CYRIB: variants seen among roughly 807,000 people sequenced by gnomAD.
The protein encoded by CYRIB is CYFIP-related Rac1 interactor B.
Under a neutral mutation model 44.2 loss-of-function variants are expected in CYRIB, and 8 were observed. The ratio of observed to expected loss-of-function variants is 0.18; its 90% CI spans 0.11 to 0.33. The LOEUF is 0.33. CYRIB is among the 10% of genes least tolerant of loss of function. The pLI, the probability that CYRIB is intolerant of heterozygous loss-of-function variation, is 1.00. For synonymous variants in CYRIB, 131 were observed against 127.2 expected (o/e 1.03, Z -0.20); for missense variants, 185 against 382.8 (o/e 0.48, Z 4.31).
At chr8:129,933,735 A>C (rs775124568) in intron 1 of CYRIB, among the ~76,000 whole-genome samples, 1 of 152,044 alleles carries the variant, frequency 6.6e-6, no homozygotes, top group Admixed American at 6.6e-5. Context: ...TTAGCTGGGC[A>C]TGGTGGCACG....
intron 1 of CYRIB, among the ~76,000 whole-genome samples, chr8:129,978,298 G>C (rs1054561615): frequency 6.6e-6 from 1 of 152,128 alleles, no homozygotes; most frequent in Non-Finnish European, 1.5e-5. Flanking sequence ...TCTTTCTTAT[G>C]TTTTCATTTA....
Position 130,006,665 on chromosome 8 carries a change from T to C in CYRIB, c.-296+9705A>G, listed in dbSNP as rs113491681. Among the ~76,000 whole-genome samples the C allele has an allele frequency of 7.5e-5, 9 of 120,172 alleles. 2 individuals carry two copies. In the East Asian group the frequency reaches 8.3e-4, roughly 11 times the overall value. The allele number at this position is 120,172 out of a possible 152,430, so 78.8% of individuals were successfully genotyped here. Reference sequence around the variant, plus strand: ...GTATATATATACATATATATATGTATATATATATGTATATATATACACACA... The same window carrying C: ...GTATATATATACATATATATATGTACATATATATGTATATATATACACACA... On this transcript the variant is annotated intron_variant, in intron 1 of 14. Coordinates refer to the CYRIB transcript ENST00000401979.
At position 129,893,553 on chromosome 8, in the gene CYRIB, TCA is replaced by T. The variant is rs573741961; in HGVS notation, c.-11+9757_-11+9758del. Among the ~76,000 whole-genome samples, 4 of 152,330 alleles carry T rather than the reference TCA, an allele frequency of 2.6e-5. No individual in the cohort carries two copies. In the South Asian group the frequency reaches 6.2e-4, roughly 24 times the overall value. ...CATAAAGTATAAAAAAAAATACTATTCACAGTCTGTCACCCAGATTAAAACTA... is the reference window on the plus strand; with the variant it reads ...CATAAAGTATAAAAAAAAATACTATTCAGTCTGTCACCCAGATTAAAACTA... On this transcript the variant is annotated intron_variant, in intron 2 of 11. Transcript: ENST00000519824.
chr8:130,011,230 C>T (rs1223454919), intron 1 of CYRIB, among the ~76,000 whole-genome samples: 4 of 152,118 alleles, frequency 2.6e-5, no homozygotes, highest in Non-Finnish European at 4.4e-5. Flanking sequence ...CTTTCAAGAA[C>T]GCTGAGGCGG....
At chr8:129,923,402 G>A (rs1198521901) in intron 1 of CYRIB, among the ~76,000 whole-genome samples, 2 of 151,854 alleles carry the variant, frequency 1.3e-5, no homozygotes, top group African/African-American at 4.8e-5. Flanking sequence ...AGCCTCCCAA[G>A]TAGCTGGGAT....
intron 2 of CYRIB, among the ~76,000 whole-genome samples, chr8:129,895,251 C>A (rs989073429): frequency 3.4e-5 from 5 of 147,064 alleles, no homozygotes; most frequent in Non-Finnish European, 7.4e-5. Context: ...AATCCTCCCC[C>A]ACCCTGGCCT....
At chr8:129,967,234 G>C (rs540403962) in intron 2 of CYRIB, among the ~76,000 whole-genome samples, 65 of 152,356 alleles carry the variant, frequency 4.3e-4, no homozygotes, top group African/African-American at 1.6e-3. Flanking sequence ...TCCGTGTTCA[G>C]TGGCATCATG....
chr8:129,912,803 G>A (rs2078710365), intron 1 of CYRIB, among the ~76,000 whole-genome samples: 1 of 151,864 alleles, frequency 6.6e-6, no homozygotes, highest in Non-Finnish European at 1.5e-5. Context: ...GAGTGGTTCA[G>A]GTAAAATGAT....
intron 1 of CYRIB, among the ~76,000 whole-genome samples, chr8:129,906,730 T>C (rs1256565476): frequency 6.6e-6 from 1 of 152,146 alleles, no homozygotes; most frequent in Non-Finnish European, 1.5e-5. Flanking sequence ...ATCCAGAATC[T>C]ACAAAGAATT....
At chr8:129,850,177 T>A (rs1040749090) in intron 9 of CYRIB, 6 of 152,536 alleles carry the variant, frequency 3.9e-5, no homozygotes, top group Non-Finnish European at 8.8e-5. Flanking sequence ...TACAGTATAG[T>A]GCTTTGGACC....
At chr8:129,851,215 G>T in intron 8 of CYRIB, 1 of 297,144 alleles carries the variant, frequency 3.4e-6, no homozygotes, top group Non-Finnish European at 6.3e-6. Context: ...TGAAATAGTT[G>T]GATTTTATCC....
chr8:129,845,401 T>C (rs76500071), intron 11 of CYRIB, among the ~76,000 whole-genome samples: 2,865 of 152,284 alleles, frequency 0.019, 98 homozygotes, highest in African/African-American at 0.063. Context: ...AGACTCATGA[T>C]ATCATTAAAT....
chr8:129,967,611 C>T (rs903719454), intron 2 of CYRIB, among the ~76,000 whole-genome samples: 1 of 151,952 alleles, frequency 6.6e-6, no homozygotes, highest in East Asian at 1.9e-4. Context: ...GATCTCCTGA[C>T]CTCATGATCC....
chr8:129,849,779 C>T (rs116254252), intron 9 of CYRIB: 8 of 155,520 alleles, frequency 5.1e-5, no homozygotes, highest in South Asian at 2.0e-4. Flanking sequence ...TCTGCTAGAC[C>T]GATAGCAACA....
At chr8:129,969,015 C>CTTTTTTTTTTTTTTTTTTTTTTTTTTT in intron 2 of CYRIB, among the ~76,000 whole-genome samples, 1 of 76,866 alleles carries the variant, frequency 1.3e-5, no homozygotes, top group Non-Finnish European at 2.3e-5. Flanking sequence ...ATTTGTCCTC[C>CTTTTTTTTTTTTTTTTTTTTTTTTTTT]TTTTTTTTTT....
chr8:129,849,524 T>C, intron 9 of CYRIB, 155 bp from the exon 12 acceptor site: 1 of 617,586 alleles, frequency 1.6e-6, no homozygotes, highest in Non-Finnish European at 2.6e-6. Flanking sequence ...ACTGATACAT[T>C]CAAATCTTAT....
At chr8:130,011,318 C>T (rs1410872216) in intron 1 of CYRIB, among the ~76,000 whole-genome samples, 20 of 149,212 alleles carry the variant, frequency 1.3e-4, no homozygotes, top group Middle Eastern at 3.8e-3. Flanking sequence ...GTCAGGAGTT[C>T]GAGACCGGCC....
exon 12 of CYRIB, chr8:129,842,074 A>G: frequency 2.6e-6 from 3 of 1,152,594 alleles, no homozygotes; most frequent in South Asian, 2.6e-5. Flanking sequence ...GCAATCACTA[A>G]AAAACTGCAT....
chr8:129,987,469 T>C (rs2096496107), intron 1 of CYRIB, among the ~76,000 whole-genome samples: 2 of 151,894 alleles, frequency 1.3e-5, no homozygotes, highest in Non-Finnish European at 2.9e-5. Flanking sequence ...CCTCCATTCA[T>C]GCAAACACAC....
Sources: allele counts gnomAD v4.1 joint callset (sites outside exome capture counted in the v4.1 genomes callset), GRCh38; gene constraint gnomAD v4.1.1; transcripts MANE v1.5; gene names NCBI Gene and HGNC (gene_info 2026-07-23, HGNC 2026-07-21).